The following TNNI3K variants were observed in gnomAD, a reference collection of about 807,000 sequenced individuals.
TNNI3K encodes the protein serine/threonine-protein kinase TNNI3K.
TNNI3K carries 140 observed loss-of-function variants against 114.5 expected under a neutral mutation model. The ratio of observed to expected loss-of-function variants is 1.22; its 90% CI spans 1.07 to 1.41. The LOEUF (loss-of-function observed/expected upper bound fraction) is 1.41, where lower values mean the gene tolerates loss of function less well. Among genes scored for constraint, TNNI3K ranks in the 40% most tolerant of loss-of-function variants. The pLI is 0.00. For synonymous variants in TNNI3K, 347 were observed against 347.5 expected (o/e 1.00, Z 0.02); for missense variants, 1,125 against 1,007.6 (o/e 1.12, Z -1.58).
intron 17 of TNNI3K, among the ~76,000 whole-genome samples, chr1:74,419,124 T>A (rs1405956569): frequency 6.6e-6 from 1 of 152,062 alleles, no homozygotes; most frequent in African/African-American, 2.4e-5. Flanking sequence ...AGTTAAGGTG[T>A]CAGGAGGGTG....
At chr1:74,381,861 T>C (rs907839145) in intron 17 of TNNI3K, among the ~76,000 whole-genome samples, 1 of 152,202 alleles carries the variant, frequency 6.6e-6, no homozygotes, top group African/African-American at 2.4e-5. Flanking sequence ...ACCATCCACT[T>C]AGACATTCAA....
At chr1:74,271,122 C>T (rs1304239445) in intron 4 of TNNI3K, among the ~76,000 whole-genome samples, 2 of 151,740 alleles carry the variant, frequency 1.3e-5, no homozygotes, top group African/African-American at 4.8e-5. Context: ...TATCATGAAA[C>T]AGCCTACTGG....
intron 5 of TNNI3K, among the ~76,000 whole-genome samples, chr1:74,319,216 C>A (rs1659477851): frequency 6.6e-6 from 1 of 152,156 alleles, no homozygotes; most frequent in Non-Finnish European, 1.5e-5. Flanking sequence ...TAAGTGCATA[C>A]TTGCTGCTAT....
At chr1:74,487,521 A>C (rs1490025020) in intron 21 of TNNI3K, among the ~76,000 whole-genome samples, 6 of 152,184 alleles carry the variant, frequency 3.9e-5, no homozygotes, top group Non-Finnish European at 5.9e-5. Flanking sequence ...AATAAAGTTT[A>C]GGATTCTTTC....
chr1:74,532,942 G>C (rs986088635), intron 23 of TNNI3K, among the ~76,000 whole-genome samples: 8 of 152,092 alleles, frequency 5.3e-5, no homozygotes, highest in African/African-American at 1.9e-4. Context: ...TTAAACGCTA[G>C]ACCTAAAACC....
chr1:74,277,364 C>T (rs1300295187), intron 5 of TNNI3K, among the ~76,000 whole-genome samples: 3 of 152,024 alleles, frequency 2.0e-5, no homozygotes, highest in Non-Finnish European at 4.4e-5. Flanking sequence ...CCCAGAGACT[C>T]TTCTGTTTAT....
intron 17 of TNNI3K, chr1:74,375,576 G>A: frequency 2.2e-6 from 1 of 455,240 alleles, no homozygotes; most frequent in Non-Finnish European, 4.4e-6. Flanking sequence ...TGCTGTACAG[G>A]ATGGCTCAGC....
chr1:74,258,619 A>T (rs1277342634), intron 4 of TNNI3K, among the ~76,000 whole-genome samples: 1 of 152,166 alleles, frequency 6.6e-6, no homozygotes, highest in Non-Finnish European at 1.5e-5. Flanking sequence ...ATCAGAATGA[A>T]ACAAAAATCT....
chr1:74,402,512 C>A (rs1156845091), intron 17 of TNNI3K, among the ~76,000 whole-genome samples: 1 of 152,164 alleles, frequency 6.6e-6, no homozygotes, highest in Non-Finnish European at 1.5e-5. Context: ...TAATTATTAC[C>A]CCTTCCCCAA....
At chr1:74,337,857 A>T (rs1660555839) in intron 7 of TNNI3K, among the ~76,000 whole-genome samples, 1 of 152,106 alleles carries the variant, frequency 6.6e-6, no homozygotes, top group Non-Finnish European at 1.5e-5. Flanking sequence ...TTGGACATAT[A>T]TCCATGTTGT....
chr1:74,316,111 T>A (rs948969414), intron 5 of TNNI3K, among the ~76,000 whole-genome samples: 2 of 152,202 alleles, frequency 1.3e-5, no homozygotes, highest in Non-Finnish European at 2.9e-5. Flanking sequence ...GTGTTCAATG[T>A]TGGTAATTTA....
intron 17 of TNNI3K, among the ~76,000 whole-genome samples, chr1:74,403,882 A>C (rs1664488715): frequency 6.6e-6 from 1 of 152,134 alleles, no homozygotes; most frequent in African/African-American, 2.4e-5. Context: ...TTGTTTTTAA[A>C]TTTTACTTCT....
At chr1:74,393,319 A>G (rs1663893185) in intron 17 of TNNI3K, among the ~76,000 whole-genome samples, 1 of 152,180 alleles carries the variant, frequency 6.6e-6, no homozygotes, top group African/African-American at 2.4e-5. Context: ...CTTAAGAAAC[A>G]AATTATTCTC....
chr1:74,540,513 G>A (rs1041766100), intron 24 of TNNI3K, among the ~76,000 whole-genome samples, 200 bp downstream of exon 24: 4 of 151,798 alleles, frequency 2.6e-5, no homozygotes, highest in African/African-American at 4.8e-5. Flanking sequence ...GTGTGAGCAT[G>A]TGTGAGTGTG....
chr1:74,314,442 T>C (rs1237225151), intron 5 of TNNI3K, among the ~76,000 whole-genome samples: 1 of 152,130 alleles, frequency 6.6e-6, no homozygotes, highest in Non-Finnish European at 1.5e-5. Flanking sequence ...TTGCATATTA[T>C]TGATCTGCTT....
At chr1:74,405,373 T>G (rs777697999) in intron 17 of TNNI3K, among the ~76,000 whole-genome samples, 3 of 152,204 alleles carry the variant, frequency 2.0e-5, no homozygotes, top group Non-Finnish European at 4.4e-5. Flanking sequence ...GTTTTGGAAC[T>G]ATGAGGAGTC....
intron 23 of TNNI3K, among the ~76,000 whole-genome samples, chr1:74,524,356 A>G (rs1646475007): frequency 6.6e-6 from 1 of 152,214 alleles, no homozygotes; most frequent in Non-Finnish European, 1.5e-5. Flanking sequence ...ATTAGATAGC[A>G]AAGTGCAAGT....
At chr1:74,432,576 G>A (rs1665948829) in intron 17 of TNNI3K, among the ~76,000 whole-genome samples, 1 of 152,024 alleles carries the variant, frequency 6.6e-6, no homozygotes, top group African/African-American at 2.4e-5. Context: ...TTTCTTTAAA[G>A]AGCCTATGAC....
intron 23 of TNNI3K, among the ~76,000 whole-genome samples, chr1:74,530,874 TTAG>T (rs899642792): frequency 6.6e-6 from 1 of 152,158 alleles, no homozygotes; most frequent in Non-Finnish European, 1.5e-5. Context: ...CCTGCTTAAA[TTAG>T]TAGGTAAATT....
Sources: allele counts gnomAD v4.1 joint callset (sites outside exome capture counted in the v4.1 genomes callset), GRCh38; gene constraint gnomAD v4.1.1; transcripts MANE v1.5; gene names NCBI Gene and HGNC (gene_info 2026-07-23, HGNC 2026-07-21).